The following ARAP2 variants were observed in gnomAD, a reference collection of about 807,000 sequenced individuals.
ARAP2 encodes ArfGAP with RhoGAP domain, ankyrin repeat and PH domain 2.
Under a neutral mutation model 194.5 loss-of-function variants are expected in ARAP2, and 148 were observed. The observed-to-expected ratio is 0.76, with a 90% CI of 0.67 to 0.87. The LOEUF (loss-of-function observed/expected upper bound fraction) is 0.87. ARAP2 is among the 40% of genes least tolerant of loss of function. The pLI is 0.00. For missense variants in ARAP2, 2,128 were observed against 1,989.7 expected (o/e 1.07, Z -1.32); for synonymous variants, 695 against 683.5 (o/e 1.02, Z -0.26).
intron 6 of ARAP2, among the ~76,000 whole-genome samples, chr4:36,199,892 T>C (rs1743996691): frequency 6.6e-6 from 1 of 152,228 alleles, no homozygotes; most frequent in African/African-American, 2.4e-5. Context: ...TTAGCTTCTT[T>C]GTGTTAATTA....
chr4:36,039,920 T>A (rs1510648), intron 5 of ARAP2, among the ~76,000 whole-genome samples: 142,965 of 152,160 alleles, frequency 0.94, 67,193 homozygotes, highest in East Asian at 0.99. Flanking sequence ...AAGGCCCAGA[T>A]AAAAAAGAAA....
intron 5 of ARAP2, among the ~76,000 whole-genome samples, chr4:36,019,806 T>C (rs960939581): frequency 6.6e-6 from 1 of 152,220 alleles, no homozygotes; most frequent in South Asian, 2.1e-4. Context: ...TGTTATAAGA[T>C]ATAGGAACAG....
intron 1 of ARAP2, among the ~76,000 whole-genome samples, chr4:36,237,587 G>A (rs925671597): frequency 1.3e-5 from 2 of 152,086 alleles, no homozygotes; most frequent in African/African-American, 4.8e-5. Context: ...CTCCTTCCTG[G>A]CATCTGATAT....
rs542996873 is a variant in ARAP2 at position 36,171,562 on chromosome 4, C to A, written c.1858-4515G>T. On this transcript the variant is annotated intron_variant, in intron 9 of 32. Transcript: ENST00000303965. Reference sequence around the variant, plus strand: ...GGAGGGATAGCATTAGGAGATATACCTGATGCTAAATGATGAGTTAATGGG... The same window carrying A: ...GGAGGGATAGCATTAGGAGATATACATGATGCTAAATGATGAGTTAATGGG... Among the ~76,000 whole-genome samples, 616 of 151,966 alleles carry A rather than the reference C, an allele frequency of 4.1e-3. 3 individuals are homozygous for A. The highest frequency in any genetic ancestry group is 0.014 in the Middle Eastern group (4 of 292).
At chr4:36,074,035 T>A (rs1364091358) in intron 31 of ARAP2, among the ~76,000 whole-genome samples, 1 of 152,142 alleles carries the variant, frequency 6.6e-6, no homozygotes, top group Non-Finnish European at 1.5e-5. Context: ...CTCAGCTCAA[T>A]TTCTAAGTTT....
intron 27 of ARAP2, among the ~76,000 whole-genome samples, chr4:36,098,738 G>T (rs1009197238): frequency 1.7e-4 from 26 of 151,912 alleles, no homozygotes; most frequent in Admixed American, 1.5e-3. Context: ...GTACAAATTT[G>T]ATTCCTACTT....
intron 21 of ARAP2, among the ~76,000 whole-genome samples, chr4:36,126,244 A>C (rs910228452): frequency 1.6e-4 from 25 of 152,048 alleles, no homozygotes; most frequent in Non-Finnish European, 7.4e-5. Flanking sequence ...CGCGTTATCC[A>C]GTTTCTAACT....
chr4:36,045,420 C>T (rs1025101380), intron 5 of ARAP2, among the ~76,000 whole-genome samples: 2 of 152,030 alleles, frequency 1.3e-5, no homozygotes, highest in Non-Finnish European at 2.9e-5. Context: ...GCATTATGCT[C>T]AGGGAAGTAA....
intron 32 of ARAP2, among the ~76,000 whole-genome samples, chr4:36,072,338 T>A (rs941695601): frequency 2.0e-5 from 3 of 152,108 alleles, no homozygotes; most frequent in Non-Finnish European, 2.9e-5. Flanking sequence ...AGTTCTTCAG[T>A]TTTCCTATCT....
At position 36,177,890 on chromosome 4, in the gene ARAP2, G is replaced by A. The variant is rs777628843; in HGVS notation, c.1794C>T (p.Gly598=). 4 of 1,613,234 alleles carry A rather than the reference G, an allele frequency of 2.5e-6. No individual in the cohort carries two copies. The East Asian group carries it at 8.9e-5, about 36-fold the overall frequency. ...PEKCGYLELR[G]YKAKIFTVLS... ...ACACAGTAAAAATTTTTGCCTTATA[G>A]CCTCTCAATTCAAGATATCCACATT... Residue 598 remains glycine, a synonymous_variant, in exon 9 of 33, where the codon GGC becomes GGT. Transcript: ENST00000303965.
At chr4:36,052,726 A>G (rs1722874663) in intron 2 of ARAP2, among the ~76,000 whole-genome samples, 1 of 152,170 alleles carries the variant, frequency 6.6e-6, no homozygotes, top group Admixed American at 6.5e-5. Flanking sequence ...GCACTTTGGG[A>G]GGCCGAGGCG....
At chr4:36,007,020 C>T (rs143846932) in exon 10 of ARAP2, 1 of 151,664 alleles carries the variant, frequency 6.6e-6, no homozygotes, top group East Asian at 1.9e-4. Flanking sequence ...TGCACCTCAG[C>T]CTGGGTGACA....
intron 18 of ARAP2, 63 bp from the exon 19 acceptor site, chr4:36,147,422 A>G: frequency 6.3e-7 from 1 of 1,583,320 alleles, no homozygotes; most frequent in Non-Finnish European, 8.7e-7. Flanking sequence ...ACCCATGAAG[A>G]CACAAATATT....
chr4:36,170,579 T>C lies in ARAP2; in HGVS notation c.1858-3532A>G, dbSNP rs538177133. 8.3e-4 allele frequency among the ~76,000 whole-genome samples: 126 copies of C among 152,336 alleles called. 1 individual carries two copies. Among genetic ancestry groups the C allele is most frequent in the Non-Finnish European group, 1.3e-3 (90 of 68,026 alleles). Reference sequence around the variant, plus strand: ...ACACATTGGATTGGTGAGATCCTATTTGTCCTGGGTGCCAACTCCTGCATT... The same window carrying C: ...ACACATTGGATTGGTGAGATCCTATCTGTCCTGGGTGCCAACTCCTGCATT... On this transcript the variant is annotated intron_variant, in intron 9 of 32. Transcript: ENST00000303965.
chr4:36,237,913 G>C (rs1312488095), intron 1 of ARAP2, among the ~76,000 whole-genome samples: 2 of 152,178 alleles, frequency 1.3e-5, no homozygotes, highest in Non-Finnish European at 2.9e-5. Context: ...CCATGTAAAA[G>C]AGGAAGTGTT....
intron 6 of ARAP2, among the ~76,000 whole-genome samples, chr4:36,210,062 T>C (rs1016909978): frequency 1.3e-5 from 2 of 152,188 alleles, no homozygotes; most frequent in Non-Finnish European, 2.9e-5. Context: ...CAGTCTGTCT[T>C]GTTTTTCTTT....
At chr4:36,110,030 C>A (rs1719485912) in intron 26 of ARAP2, among the ~76,000 whole-genome samples, 1 of 151,762 alleles carries the variant, frequency 6.6e-6, no homozygotes, top group Non-Finnish European at 1.5e-5. Context: ...TATTATTATT[C>A]ATATTTCACA....
intron 27 of ARAP2, among the ~76,000 whole-genome samples, chr4:36,100,830 C>A (rs75965125): frequency 0.044 from 6,741 of 151,876 alleles, 200 homozygotes; most frequent in Middle Eastern, 0.13. Flanking sequence ...TTAAGGCTAA[C>A]AGATATAGAC....
intron 5 of ARAP2, among the ~76,000 whole-genome samples, chr4:36,029,321 C>T (rs1290481416): frequency 6.6e-6 from 1 of 151,930 alleles, no homozygotes; most frequent in Non-Finnish European, 1.5e-5. Context: ...ATATCATCAT[C>T]GTACATTTTG....
Sources: gnomAD v4.1 joint callset for allele counts (sites outside exome capture counted in the v4.1 genomes callset) on GRCh38, gnomAD v4.1.1 for gene constraint, MANE v1.5 for transcripts, NCBI Gene and HGNC (gene_info 2026-07-23, HGNC 2026-07-21) for gene names.